Variants in FAM174B observed in about 807,000 individuals in gnomAD.
FAM174B encodes the protein membrane protein FAM174B.
A neutral mutation model predicts 10.9 loss-of-function variants in FAM174B; 12 were observed. The observed-to-expected ratio is 1.10, with a 90% CI of 0.71 to 1.79. The LOEUF is 1.79. FAM174B is among the 40% of genes most tolerant of loss of function. The pLI is 0.00. For synonymous variants in FAM174B, 132 were observed against 115.8 expected, an observed-to-expected ratio of 1.14 and a Z score of -0.90; for missense variants, 266 against 233.3, an observed-to-expected ratio of 1.14 and a Z score of -0.91.
In FAM174B at chr15:92,619,210, G is replaced by A; in HGVS notation, c.*246C>T. 1.4e-6 allele frequency: 1 copy of A among 703,074 alleles called. No homozygotes were observed. The highest frequency in any genetic ancestry group is 2.7e-5 in the East Asian group (1 of 37,290). 43.6% of individuals were successfully genotyped at this position (703,074 alleles called of 1,614,324 possible). A position where few individuals can be genotyped will look rare whatever the true frequency, so the allele number is the denominator to read the frequency against. Reference sequence around the variant, plus strand: ...GCCTCTTACATGGGGAGTAGAAGTAGGGGGCACTTTAAAGGGATGCCCAAA... The same window carrying A: ...GCCTCTTACATGGGGAGTAGAAGTAAGGGGCACTTTAAAGGGATGCCCAAA... On this transcript the variant is annotated 3_prime_UTR_variant, in exon 3 of 3. Transcript: ENST00000327355.
intron 1 of FAM174B, among the ~76,000 whole-genome samples, chr15:92,652,160 C>T (rs907052435): frequency 2.6e-5 from 4 of 152,200 alleles, no homozygotes; most frequent in African/African-American, 7.2e-5. Flanking sequence ...TGGAACCACA[C>T]TAGGTATTAG....
At chr15:92,638,047 A>G (rs2050867279) in intron 1 of FAM174B, among the ~76,000 whole-genome samples, 1 of 152,174 alleles carries the variant, frequency 6.6e-6, no homozygotes, top group Non-Finnish European at 1.5e-5. Context: ...CTCCCCATCA[A>G]AGAACGAACT....
chr15:92,624,447 T>C (rs2050740160), intron 2 of FAM174B, among the ~76,000 whole-genome samples: 1 of 152,212 alleles, frequency 6.6e-6, no homozygotes, highest in Admixed American at 6.5e-5. Flanking sequence ...AAGAAGTCAC[T>C]GCCTTGAGTG....
intron 2 of FAM174B, 28 bp downstream of exon 2, chr15:92,630,186 G>C (rs776880033): frequency 2.5e-6 from 4 of 1,609,540 alleles, no homozygotes; most frequent in Non-Finnish European, 3.4e-6. Flanking sequence ...CCCAAGCCCA[G>C]GAGGAAGCCT....
Position 92,623,644 on chromosome 15 carries a change from G to C in FAM174B, c.477-4185C>G, listed in dbSNP as rs115914210. On this transcript the variant is annotated intron_variant, in intron 2 of 2. Transcript: ENST00000327355. The stretch of plus-strand genomic sequence containing the variant: ...ACACCTGTTGCAGCACCTGTCAGTA[G>C]CGTCTGGCACCCTGGCAGCTGACGT... Among the ~76,000 whole-genome samples the C allele has an allele frequency of 7.9e-3, 1,205 of 152,334 alleles. 18 individuals carry two copies. The highest frequency in any genetic ancestry group is 0.028 in the African/African-American group (1,147 of 41,566).
At chr15:92,620,203 A>G (rs1689367942) in intron 2 of FAM174B, among the ~76,000 whole-genome samples, 1 of 152,208 alleles carries the variant, frequency 6.6e-6, no homozygotes. Flanking sequence ...GTGTCAGAAA[A>G]CATAAGAAGT....
At chr15:92,635,141 C>G (rs901551701) in intron 1 of FAM174B, among the ~76,000 whole-genome samples, 24 of 132,186 alleles carry the variant, frequency 1.8e-4, no homozygotes, top group Non-Finnish European at 3.5e-4. Context: ...TCTCTCCTCT[C>G]TTTCGCTCAC....
rs1159039242 is a variant in FAM174B at position 92,619,336 on chromosome 15, A to G, written c.*120T>C. On this transcript the variant is annotated 3_prime_UTR_variant, in exon 3 of 3. Transcript: ENST00000327355. ...GCACGATGGAGCTGGGGTTTTATAC[A>G]TAACGTTCGTTTTGGTTTCAACACC... 3.6e-6 allele frequency: 4 copies of G among 1,107,482 alleles called. No homozygotes were observed. The highest frequency in any genetic ancestry group is 1.3e-5 in the South Asian group (1 of 77,790). The allele number at this position is 1,107,482 out of a possible 1,614,324, so 68.6% of individuals were successfully genotyped here. A position where few individuals can be genotyped will look rare whatever the true frequency, so the allele number is the denominator to read the frequency against.
chr15:92,655,456 GGAGC>G lies in FAM174B; in HGVS notation c.200_203del (p.Ser67ThrfsTer11). On this transcript the variant is annotated frameshift_variant, in exon 1 of 3. Coordinates refer to ENST00000327355, the MANE Select transcript of FAM174B (RefSeq NM_207446.3). LOFTEE classifies it high-confidence loss of function. The stretch of plus-strand genomic sequence containing the variant: ...AGGCGTCGCCACTGCTGTTGGAGCT[GGAGC>G]TGCCGCTGCCGCCCGCCGCCCCAGA... The G allele has an allele frequency of 6.4e-7, 1 of 1,560,958 alleles. No homozygotes were observed. Among genetic ancestry groups the G allele is most frequent in the Non-Finnish European group, 8.6e-7 (1 of 1,156,228 alleles).
At chr15:92,623,668 G>A (rs146259399) in intron 2 of FAM174B, among the ~76,000 whole-genome samples, 2,022 of 152,278 alleles carry the variant, frequency 0.013, 32 homozygotes, top group South Asian at 0.025. Context: ...GGCAGCTGAC[G>A]TCTCAGTGCA....
intron 2 of FAM174B, among the ~76,000 whole-genome samples, chr15:92,629,809 G>A (rs766812301): frequency 1.1e-4 from 17 of 152,062 alleles, no homozygotes; most frequent in Non-Finnish European, 2.2e-4. Flanking sequence ...CACAGGGCTG[G>A]GCCTTCCCGT....
chr15:92,628,093 T>C (rs2050765526), intron 2 of FAM174B, among the ~76,000 whole-genome samples: 1 of 152,176 alleles, frequency 6.6e-6, no homozygotes, highest in African/African-American at 2.4e-5. Flanking sequence ...TAATACCTAA[T>C]ACAATGTAAA....
Position 92,617,733 on chromosome 15 carries a change from CA to C in FAM174B, c.*1722del. Reference sequence around the variant, plus strand: ...GTGAGTCACCACTCAGGCCTGAGTACACCGTGGAGAGGAGAGATAAAGCAGC... The same window carrying C: ...GTGAGTCACCACTCAGGCCTGAGTACCCGTGGAGAGGAGAGATAAAGCAGC... On this transcript the variant is annotated 3_prime_UTR_variant, in exon 3 of 3. Transcript: ENST00000327355. 1 of 642,354 alleles carries C rather than the reference CA, an allele frequency of 1.6e-6. No homozygotes were observed. Among genetic ancestry groups the C allele is most frequent in the African/African-American group, 1.9e-5 (1 of 53,868 alleles). 39.8% of individuals were successfully genotyped at this position (642,354 alleles called of 1,614,324 possible).
At chr15:92,637,669 A>C (rs890779252) in intron 1 of FAM174B, among the ~76,000 whole-genome samples, 1 of 152,218 alleles carries the variant, frequency 6.6e-6, no homozygotes, top group Non-Finnish European at 1.5e-5. Context: ...ACAGAAGCAG[A>C]GTTGACATTT....
chr15:92,624,038 A>G (rs2050737272), intron 2 of FAM174B, among the ~76,000 whole-genome samples: 1 of 152,196 alleles, frequency 6.6e-6, no homozygotes, highest in Admixed American at 6.5e-5. Context: ...ACATAGACAC[A>G]AGAATTTTTA....
Position 92,655,609 on chromosome 15 carries a change from C to G in FAM174B, c.51G>C (p.Ala17=). The change falls in exon 1 of 3, where the codon GCG becomes GCC. Residue 17 remains alanine, a synonymous_variant. Transcript: ENST00000327355. ...CGCGGGCGGCGGGAGCGGCCAGGAG[C>G]GCGAGCAGCAGCAGCGGCAGGAGCG... ...PAPLLPLLLL[A]LLAAPAARAS... is the part of the protein sequence containing the mutation. 2 of 1,274,792 alleles carry G rather than the reference C, an allele frequency of 1.6e-6. No homozygotes were observed. The highest frequency in any genetic ancestry group is 4.2e-5 in the Admixed American group (1 of 24,088). The allele number at this position is 1,274,792 out of a possible 1,614,324, so 79.0% of individuals were successfully genotyped here.
At chr15:92,637,729 G>A (rs1158523992) in intron 1 of FAM174B, among the ~76,000 whole-genome samples, 1 of 152,108 alleles carries the variant, frequency 6.6e-6, no homozygotes, top group Non-Finnish European at 1.5e-5. Flanking sequence ...CAAACAACCG[G>A]CAACTGCACC....
rs753736810 is a variant in FAM174B, at chr15:92,630,216, G to A, written c.474C>T (p.Tyr158=). 3 of 1,613,758 alleles carry A rather than the reference G, an allele frequency of 1.9e-6. No homozygotes were observed. Among genetic ancestry groups the A allele is most frequent in the East Asian group, 4.5e-5 (2 of 44,876 alleles). The change falls in exon 2 of 3, where the codon TAC becomes TAT. Residue 158 remains tyrosine (Y), a splice_region_variant and synonymous_variant. Coordinates refer to ENST00000327355, the MANE Select transcript of FAM174B (RefSeq NM_207446.3). ...DEDSTVFDIK[Y]R Reference sequence around the variant, plus strand: ...AAGCCTCTGTCTCCACCCTGTACCTGTATTTGATGTCGAATACTGTGGAGT... The same window carrying A: ...AAGCCTCTGTCTCCACCCTGTACCTATATTTGATGTCGAATACTGTGGAGT...
At chr15:92,627,641 G>T (rs1039083322) in intron 2 of FAM174B, among the ~76,000 whole-genome samples, 5 of 152,186 alleles carry the variant, frequency 3.3e-5, no homozygotes, top group Non-Finnish European at 7.3e-5. Context: ...CACAAAAATA[G>T]TTCTGTCTAT....
Sources: gnomAD v4.1 joint callset for allele counts (sites outside exome capture counted in the v4.1 genomes callset) on GRCh38, gnomAD v4.1.1 for gene constraint, MANE v1.5 for transcripts, NCBI Gene and HGNC (gene_info 2026-07-23, HGNC 2026-07-21) for gene names.